Variants in BCOR observed in about 807,000 individuals in gnomAD.
BCOR encodes BCL-6 corepressor.
Under a neutral mutation model 86.7 loss-of-function variants are expected in BCOR, and 10 were observed. The ratio of observed to expected loss-of-function variants is 0.12; its 90% confidence interval spans 0.07 to 0.20. The LOEUF is 0.20. Ranked by LOEUF, BCOR falls within the 10% of genes least tolerant of loss-of-function variation. The pLI is 1.00. For synonymous variants in BCOR, 611 were observed against 609.0 expected, an observed-to-expected ratio of 1.00 and a Z score of -0.05; for missense variants, 1,259 against 1,452.1, an observed-to-expected ratio of 0.87 and a Z score of 2.16.
chrX:40,149,014 C>T (rs1363172570), intron 1 of BCOR, among the ~76,000 whole-genome samples: 1 of 111,141 alleles, frequency 9.0e-6, no homozygotes, highest in Non-Finnish European at 1.9e-5. Flanking sequence ...ACACCTCTTC[C>T]TCTGCCCGGG....
At chrX:40,125,725 G>A (rs1468889515) in intron 1 of BCOR, among the ~76,000 whole-genome samples, 2 of 112,380 alleles carry the variant, frequency 1.8e-5, no homozygotes, top group Non-Finnish European at 3.8e-5. Flanking sequence ...TCAAGAGATA[G>A]AATACATTGT....
rs183055568 is a variant in BCOR, at chrX:40,083,978, A to G, written c.-40-6009T>C. 6.1e-4 allele frequency among the ~76,000 whole-genome samples: 68 copies of G among 110,825 alleles called. No individual in the cohort carries two copies. In the East Asian group the frequency reaches 0.014, roughly 23 times the overall value. On this transcript the variant is annotated intron_variant, in intron 1 of 14. Transcript: ENST00000378444. ...TGGGTGGGCGCAGGGAGAATCCGAG[A>G]CCTCCCGGGAAACGCCGCCGAGCCC...
chrX:40,099,183 C>T (rs1937020731), upstream of BCOR, among the ~76,000 whole-genome samples: 1 of 111,858 alleles, frequency 8.9e-6, no homozygotes, highest in Non-Finnish European at 1.9e-5. Flanking sequence ...TTGAGCTTCT[C>T]CAGCGCACCC....
rs1442791724 is a variant in BCOR at position 40,082,651 on chromosome X, C to T, written c.-40-4682G>A. ...GGAGAACATGGTCACCACAGCCTCCCGGCTCCCACCCTCACTCACCGCGTG... is the reference window on the plus strand; with the variant it reads ...GGAGAACATGGTCACCACAGCCTCCTGGCTCCCACCCTCACTCACCGCGTG... On this transcript the variant is annotated intron_variant, in intron 1 of 14. Coordinates refer to ENST00000378444, the MANE Select transcript of BCOR (RefSeq NM_001123385.2). Among the ~76,000 whole-genome samples, 29 of 111,270 alleles carry T rather than the reference C, an allele frequency of 2.6e-4. No individual in the cohort carries two copies. In the Admixed American group the frequency reaches 2.7e-3, roughly 11 times the overall value.
chrX:40,089,357 G>A (rs1290712663), intron 1 of BCOR, among the ~76,000 whole-genome samples: 1 of 111,724 alleles, frequency 9.0e-6, no homozygotes, highest in Non-Finnish European at 1.9e-5. Flanking sequence ...CTGGAGTTGC[G>A]GAGAGGAGCC....
At chrX:40,109,962 T>C (rs1937272624) in intron 1 of BCOR, among the ~76,000 whole-genome samples, 1 of 112,371 alleles carries the variant, frequency 8.9e-6, no homozygotes, top group Non-Finnish European at 1.9e-5. Context: ...ATGGGAAAGC[T>C]GGAGGGCGGG....
intron 1 of BCOR, among the ~76,000 whole-genome samples, chrX:40,117,083 G>A (rs1016206906): frequency 1.8e-5 from 2 of 112,508 alleles, no homozygotes; most frequent in East Asian, 5.6e-4. Flanking sequence ...CTTCAAACCA[G>A]CCATTGTCCT....
chrX:40,155,058 G>C (rs1007484800), intron 1 of BCOR, among the ~76,000 whole-genome samples: 1 of 110,956 alleles, frequency 9.0e-6, no homozygotes, highest in Non-Finnish European at 1.9e-5. Context: ...GAGTAGCTGC[G>C]GGAGGGGAGG....
chrX:40,071,503 CAACAG>C, intron 5 of BCOR, 129 bp downstream of exon 5: 4 of 525,506 alleles, frequency 7.6e-6, no homozygotes, highest in Non-Finnish European at 1.3e-5. Context: ...AACAAAAACA[CAACAG>C]AAAAGAAACA....
intron 1 of BCOR, among the ~76,000 whole-genome samples, chrX:40,127,906 A>T (rs760070155): frequency 9.7e-6 from 1 of 103,480 alleles, no homozygotes; most frequent in Non-Finnish European, 2.0e-5. Context: ...ATAAATAAAT[A>T]AATTTAAAAA....
intron 1 of BCOR, among the ~76,000 whole-genome samples, chrX:40,176,754 G>A (rs1480069118): frequency 9.0e-6 from 1 of 111,599 alleles, no homozygotes; most frequent in Non-Finnish European, 1.9e-5. Flanking sequence ...CTTCGGCTGC[G>A]AGAGCCGCCG....
At chrX:40,162,354 C>A (rs1173570911) in intron 1 of BCOR, among the ~76,000 whole-genome samples, 1 of 111,787 alleles carries the variant, frequency 8.9e-6, no homozygotes, top group Non-Finnish European at 1.9e-5. Context: ...CAAGGGCCAT[C>A]CCCTGAATGT....
Position 40,076,361 on chromosome X carries a change from T to C in BCOR, c.165+93A>G. On this transcript the variant is annotated intron_variant, in intron 3 of 14. Transcript: ENST00000378444. ...GCTCTGAACTGCCACCCCTCCCCCA[T>C]TCCCCACCCTTTAAGGGCATGCAAA... The C allele has an allele frequency of 7.2e-6, 5 of 698,540 alleles. No homozygotes were observed. The South Asian group carries it at 1.1e-4, about 15-fold the overall frequency. The allele number at this position is 698,540 out of a possible 1,213,427, so 57.6% of individuals were successfully genotyped here.
intron 1 of BCOR, among the ~76,000 whole-genome samples, chrX:40,114,156 A>G (rs918855006): frequency 8.9e-6 from 1 of 112,306 alleles, no homozygotes; most frequent in African/African-American, 3.2e-5. Flanking sequence ...CTGGCTAGAG[A>G]AGAAACCAGG....
intron 14 of BCOR, among the ~76,000 whole-genome samples, chrX:40,053,675 A>C (rs1220370392): frequency 1.8e-5 from 2 of 111,586 alleles, no homozygotes; most frequent in Non-Finnish European, 3.8e-5. Context: ...GGGCAGGTTT[A>C]TACCATGCTG....
intron 1 of BCOR, among the ~76,000 whole-genome samples, chrX:40,116,725 T>G (rs1937401440): frequency 8.9e-6 from 1 of 112,009 alleles, no homozygotes; most frequent in African/African-American, 3.2e-5. Flanking sequence ...ACTCTGCCAA[T>G]TGCACAAGTT....
intron 10 of BCOR, among the ~76,000 whole-genome samples, chrX:40,059,782 GTTAA>G (rs1247171188): frequency 8.9e-6 from 1 of 112,976 alleles, no homozygotes; most frequent in Non-Finnish European, 1.9e-5. Flanking sequence ...ACCCGACATT[GTTAA>G]TTAATTAAAT....
At chrX:40,072,273 T>C (rs1340386632) in intron 4 of BCOR, 76 bp downstream of exon 4, 1 of 1,063,020 alleles carries the variant, frequency 9.4e-7, no homozygotes, top group East Asian at 3.3e-5. Flanking sequence ...TGCCCTACCA[T>C]ACTCCCCCAA....
At chrX:40,129,910 G>A (rs907155830) in intron 1 of BCOR, among the ~76,000 whole-genome samples, 13 of 110,953 alleles carry the variant, frequency 1.2e-4, no homozygotes, top group Middle Eastern at 9.3e-3. Flanking sequence ...GCGTGGTGGC[G>A]CACACCTGTA....
Sources: allele counts gnomAD v4.1 joint callset (sites outside exome capture counted in the v4.1 genomes callset), GRCh38; gene constraint gnomAD v4.1.1; transcripts MANE v1.5; gene names NCBI Gene and HGNC (gene_info 2026-07-23, HGNC 2026-07-21).